Variants in ZNF618 observed in about 807,000 individuals in gnomAD.
ZNF618 encodes the protein neural precursor cell expressed, developmentally down-regulated 10.
ZNF618 carries 34 observed loss-of-function variants against 103.0 expected under a neutral mutation model. The observed-to-expected ratio is 0.33, with a 90% CI of 0.25 to 0.44. The LOEUF (loss-of-function observed/expected upper bound fraction) is 0.44, where lower values mean the gene tolerates loss of function less well. ZNF618 is among the 20% of genes least tolerant of loss of function. ZNF618 has a pLI of 1.00. For synonymous variants in ZNF618, 551 were observed against 542.2 expected, an observed-to-expected ratio of 1.02 and a Z score of -0.23; for missense variants, 1,059 against 1,295.4, an observed-to-expected ratio of 0.82 and a Z score of 2.80.
At chr9:113,945,770 A>G (rs969364431) in intron 1 of ZNF618, among the ~76,000 whole-genome samples, 3 of 152,210 alleles carry the variant, frequency 2.0e-5, no homozygotes, top group South Asian at 2.1e-4. Flanking sequence ...TAATAAAAAT[A>G]TAGGGCTGGG....
At chr9:113,940,810 A>G (rs952896621) in intron 1 of ZNF618, among the ~76,000 whole-genome samples, 1 of 152,052 alleles carries the variant, frequency 6.6e-6, no homozygotes, top group Non-Finnish European at 1.5e-5. Flanking sequence ...CCTTTATTTT[A>G]GCCTTTCTGA....
At chr9:113,983,930 C>T (rs555462423) in intron 2 of ZNF618, among the ~76,000 whole-genome samples, 3 of 152,212 alleles carry the variant, frequency 2.0e-5, no homozygotes, top group South Asian at 2.1e-4. Context: ...TCTTAGGAGG[C>T]ATATGTCCCA....
intron 2 of ZNF618, among the ~76,000 whole-genome samples, chr9:113,971,546 G>A (rs1025111219): frequency 3.9e-5 from 6 of 152,140 alleles, no homozygotes; most frequent in East Asian, 3.9e-4. Context: ...GGCACTGTTC[G>A]AAGTACTTCG....
In ZNF618 at chr9:114,050,016, A is replaced by G. The variant is rs1412629001; in HGVS notation, c.2714A>G (p.Lys905Arg). 3.1e-6 allele frequency: 5 copies of G among 1,613,840 alleles called. No homozygotes were observed. The highest frequency in any genetic ancestry group is 2.7e-5 in the African/African-American group (2 of 74,932). ...CVTQKHTKLA[K>R]LAFWLLAVPA... ...ACCCAAAAGCACACAAAACTCGCCAAGCTCGCCTTCTGGCTCCTGGCGGTT... is the reference window on the plus strand; with the variant it reads ...ACCCAAAAGCACACAAAACTCGCCAGGCTCGCCTTCTGGCTCCTGGCGGTT... The change falls in exon 15 of 15, where the codon AAG becomes AGG. Residue 905 changes from lysine (K) to arginine (R), a missense_variant. Physicochemically the swap from Lys to Arg is conservative, Grantham distance 26. This residue lies in a region of ZNF618 where 156 missense variants were observed against 197.1 expected (regional missense o/e 0.79). Transcript: ENST00000374126.
chr9:113,984,292 C>T (rs530799021), intron 2 of ZNF618, among the ~76,000 whole-genome samples: 8 of 152,332 alleles, frequency 5.3e-5, no homozygotes, highest in African/African-American at 1.9e-4. Context: ...GACTCTGCCT[C>T]AAGCAAGCCA....
intron 1 of ZNF618, among the ~76,000 whole-genome samples, chr9:113,922,099 AG>A (rs1407819916): frequency 6.6e-6 from 1 of 152,262 alleles, no homozygotes; most frequent in Non-Finnish European, 1.5e-5. Flanking sequence ...ATAACTTAAA[AG>A]CTTGTTCATT....
chr9:114,018,113 G>A (rs769769456), intron 10 of ZNF618, among the ~76,000 whole-genome samples: 7 of 152,194 alleles, frequency 4.6e-5, no homozygotes, highest in African/African-American at 9.7e-5. Flanking sequence ...CTGACATGAG[G>A]TACCTGCTAT....
chr9:113,992,368 C>T (rs1481298055), intron 3 of ZNF618, among the ~76,000 whole-genome samples: 1 of 152,170 alleles, frequency 6.6e-6, no homozygotes, highest in Non-Finnish European at 1.5e-5. Flanking sequence ...GAAGGGCCTA[C>T]CACAACACCT....
chr9:113,988,944 G>A (rs1330171), intron 3 of ZNF618, among the ~76,000 whole-genome samples: 35,370 of 152,074 alleles, frequency 0.23, 5,554 homozygotes, highest in East Asian at 0.61. Flanking sequence ...ATGCCTCTCT[G>A]CTGGAGATCC....
At chr9:113,963,771 G>A (rs1837087389) in intron 1 of ZNF618, among the ~76,000 whole-genome samples, 1 of 152,142 alleles carries the variant, frequency 6.6e-6, no homozygotes, top group Non-Finnish European at 1.5e-5. Flanking sequence ...AACTATATTT[G>A]CCGAGTATTT....
chr9:113,915,129 T>C (rs1831949494), intron 1 of ZNF618, among the ~76,000 whole-genome samples: 1 of 152,228 alleles, frequency 6.6e-6, no homozygotes, highest in South Asian at 2.1e-4. Flanking sequence ...GCACCTACTA[T>C]GCATCAGGCT....
intron 3 of ZNF618, among the ~76,000 whole-genome samples, chr9:113,993,256 C>G (rs1183270504): frequency 2.0e-5 from 3 of 152,160 alleles, no homozygotes; most frequent in African/African-American, 7.2e-5. Context: ...ACTTCGCTCA[C>G]CCAGCCTCGC....
At chr9:113,938,869 C>T (rs1473923250) in intron 1 of ZNF618, among the ~76,000 whole-genome samples, 2 of 152,180 alleles carry the variant, frequency 1.3e-5, no homozygotes, top group African/African-American at 4.8e-5. Context: ...CACATCCGTT[C>T]CGTCCCATTA....
At chr9:113,904,448 A>T (rs550202956) in intron 1 of ZNF618, among the ~76,000 whole-genome samples, 2 of 151,938 alleles carry the variant, frequency 1.3e-5, no homozygotes, top group East Asian at 3.9e-4. Flanking sequence ...GCAATTTTTG[A>T]TTCTGAATTT....
chr9:113,932,767 G>C (rs540743243), intron 1 of ZNF618, among the ~76,000 whole-genome samples: 80 of 152,256 alleles, frequency 5.3e-4, no homozygotes, highest in African/African-American at 1.9e-3. Context: ...TAGGGGGAGT[G>C]GGGTGGAGGT....
intron 7 of ZNF618, among the ~76,000 whole-genome samples, chr9:114,007,904 C>T (rs538646347): frequency 6.6e-6 from 1 of 152,200 alleles, no homozygotes; most frequent in Non-Finnish European, 1.5e-5. Context: ...TAGGGGTTCC[C>T]CGTCTAGCCC....
At chr9:113,998,226 T>C in intron 3 of ZNF618, 33 bp from the exon 4 acceptor site, 1 of 1,547,450 alleles carries the variant, frequency 6.5e-7, no homozygotes, top group Non-Finnish European at 8.7e-7. Flanking sequence ...TCTCCAACTT[T>C]AAGGGCTCTT....
intron 10 of ZNF618, among the ~76,000 whole-genome samples, chr9:114,019,851 A>T (rs188051433): frequency 5.9e-5 from 9 of 152,264 alleles, no homozygotes; most frequent in Non-Finnish European, 1.3e-4. Context: ...CATTTTGATG[A>T]AGTCCAGTTT....
chr9:113,989,246 T>G (rs1839788227), intron 3 of ZNF618, among the ~76,000 whole-genome samples: 2 of 152,214 alleles, frequency 1.3e-5, no homozygotes, highest in African/African-American at 4.8e-5. Flanking sequence ...CATGTCCAGT[T>G]AGAGAAGGCA....
Sources: gnomAD v4.1 joint callset for allele counts (sites outside exome capture counted in the v4.1 genomes callset) on GRCh38, gnomAD v4.1.1 for gene constraint, gnomAD v4.1.1 regional missense constraint, MANE v1.5 for transcripts, NCBI Gene and HGNC (gene_info 2026-07-23, HGNC 2026-07-21) for gene names.